The following SND1 variants were observed in gnomAD, a reference collection of about 807,000 sequenced individuals.
SND1 encodes the protein staphylococcal nuclease domain-containing protein 1.
A neutral mutation model predicts 121.7 loss-of-function variants in SND1; 38 were observed. That is an observed-to-expected ratio of 0.31 (90% CI 0.24 to 0.41). The LOEUF (loss-of-function observed/expected upper bound fraction) is 0.41, where lower values mean the gene tolerates loss of function less well. SND1 is among the 10% of genes least tolerant of loss of function. The probability of loss-of-function intolerance (pLI) is 1.00; values close to 1 mark genes in which losing one functional copy is unlikely to be tolerated. For synonymous variants in SND1, 401 were observed against 447.4 expected (o/e 0.90, Z 1.31); for missense variants, 868 against 1,184.6 (o/e 0.73, Z 3.92).
At chr7:127,858,714 C>T in intron 12 of SND1, among the ~76,000 whole-genome samples, 1 of 152,156 alleles carries the variant, frequency 6.6e-6, no homozygotes, top group Non-Finnish European at 1.5e-5. Context: ...ACGTCTTTTT[C>T]CTTTCTGACC....
chr7:127,903,376 C>T (rs1043632257), intron 13 of SND1, among the ~76,000 whole-genome samples: 2 of 152,074 alleles, frequency 1.3e-5, no homozygotes, highest in South Asian at 2.1e-4. Context: ...GAAGAAGCCA[C>T]GGGATTCAAG....
At chr7:128,086,261 G>C (rs903674944) in intron 20 of SND1, among the ~76,000 whole-genome samples, 1 of 152,238 alleles carries the variant, frequency 6.6e-6, no homozygotes, top group South Asian at 2.1e-4. Flanking sequence ...CTGGGAGTCT[G>C]TTGACAACTC....
chr7:128,074,823 C>G (rs1793479677), intron 17 of SND1, 133 bp downstream of exon 17: 1 of 876,652 alleles, frequency 1.1e-6, no homozygotes, highest in African/African-American at 1.7e-5. Flanking sequence ...GGTCTCAGAC[C>G]CCACACCAAG....
chr7:127,775,032 C>G (rs1393789177), intron 10 of SND1, among the ~76,000 whole-genome samples: 1 of 152,130 alleles, frequency 6.6e-6, no homozygotes, highest in African/African-American at 2.4e-5. Context: ...AGAATGGGCC[C>G]TAAATCCAGT....
intron 11 of SND1, among the ~76,000 whole-genome samples, chr7:127,812,361 T>C (rs1798349246): frequency 6.6e-6 from 1 of 152,234 alleles, no homozygotes; most frequent in African/African-American, 2.4e-5. Flanking sequence ...ATCTCATTAG[T>C]CTTTGAGATG....
chr7:127,698,979 C>A (rs779810113), intron 4 of SND1, 26 bp downstream of exon 4: 4 of 1,571,372 alleles, frequency 2.5e-6, no homozygotes, highest in Non-Finnish European at 2.6e-6. Flanking sequence ...TCCGCTGTCT[C>A]TCTGACAGCG....
chr7:127,805,862 G>A (rs1009804712), intron 10 of SND1, among the ~76,000 whole-genome samples: 3 of 152,168 alleles, frequency 2.0e-5, no homozygotes, highest in Non-Finnish European at 4.4e-5. Flanking sequence ...TGTACATCTA[G>A]GGTAGGGGTT....
chr7:127,950,880 AT>A (rs1010403138), intron 15 of SND1, among the ~76,000 whole-genome samples: 11 of 152,206 alleles, frequency 7.2e-5, no homozygotes, highest in South Asian at 4.2e-4. Flanking sequence ...CCAATTTATT[AT>A]TTTTTTTAAT....
intron 15 of SND1, among the ~76,000 whole-genome samples, chr7:127,960,945 T>A (rs1245325528): frequency 1.3e-5 from 2 of 152,226 alleles, no homozygotes; most frequent in Non-Finnish European, 2.9e-5. Context: ...GGGAGAAGAA[T>A]TTTTTAGTAC....
At chr7:127,733,950 C>T (rs1796726581) in intron 10 of SND1, among the ~76,000 whole-genome samples, 1 of 152,028 alleles carries the variant, frequency 6.6e-6, no homozygotes, top group Non-Finnish European at 1.5e-5. Context: ...TCATAAGCTA[C>T]TTGTGTTAAA....
chr7:127,889,295 C>G (rs1040445568), intron 13 of SND1, among the ~76,000 whole-genome samples: 6 of 151,872 alleles, frequency 4.0e-5, no homozygotes, highest in Non-Finnish European at 7.4e-5. Context: ...AAGACAGTCC[C>G]AAAGAACTCA....
chr7:127,891,631 A>G (rs1182461019), intron 13 of SND1, among the ~76,000 whole-genome samples: 5 of 151,276 alleles, frequency 3.3e-5, no homozygotes, highest in African/African-American at 7.3e-5. Context: ...CATTTTCTCT[A>G]CCTCCCAGCT....
intron 16 of SND1, among the ~76,000 whole-genome samples, chr7:128,016,157 T>C (rs1803220491): frequency 6.7e-6 from 1 of 150,272 alleles, no homozygotes; most frequent in Non-Finnish European, 1.5e-5. Flanking sequence ...TTTTTTTTTT[T>C]TTTTTTTAAG....
At chr7:127,823,385 A>G (rs1039056290) in intron 11 of SND1, among the ~76,000 whole-genome samples, 2 of 152,042 alleles carry the variant, frequency 1.3e-5, no homozygotes, top group African/African-American at 4.8e-5. Flanking sequence ...CTGGGAGAGA[A>G]CTCAACATCT....
intron 9 of SND1, chr7:127,718,770 A>G (rs545914077): frequency 2.0e-6 from 2 of 983,844 alleles, no homozygotes; most frequent in South Asian, 4.7e-5. Context: ...TGTGAGCACT[A>G]TGATACTTTC....
chr7:127,686,582 C>T, intron 1 of SND1, 31 bp from the exon 2 acceptor site: 1 of 1,605,328 alleles, frequency 6.2e-7, no homozygotes, highest in Non-Finnish European at 8.5e-7. Flanking sequence ...GCCTCTGGAC[C>T]ATTCATTTTC....
intron 15 of SND1, among the ~76,000 whole-genome samples, chr7:127,932,981 T>C (rs1800985546): frequency 6.6e-6 from 1 of 152,224 alleles, no homozygotes; most frequent in Admixed American, 6.5e-5. Flanking sequence ...CATCCTCTGC[T>C]CTGTAGCATC....
At chr7:128,049,958 G>A (rs926599388) in intron 16 of SND1, among the ~76,000 whole-genome samples, 2 of 152,128 alleles carry the variant, frequency 1.3e-5, no homozygotes, top group Non-Finnish European at 2.9e-5. Flanking sequence ...AAAGGAAAGG[G>A]TTCTCAGAGA....
chr7:128,059,485 G>A (rs1793196877), intron 16 of SND1, among the ~76,000 whole-genome samples: 1 of 152,182 alleles, frequency 6.6e-6, no homozygotes, highest in African/African-American at 2.4e-5. Flanking sequence ...TGAATGTTAG[G>A]TCTCTTTACA....
Sources: allele counts gnomAD v4.1 joint callset (sites outside exome capture counted in the v4.1 genomes callset), GRCh38; gene constraint gnomAD v4.1.1; transcripts MANE v1.5; gene names NCBI Gene and HGNC (gene_info 2026-07-23, HGNC 2026-07-21).